The following CCNH variants were observed in gnomAD, a reference collection of about 807,000 sequenced individuals.
The protein encoded by CCNH is cyclin-H.
In CCNH, 31 loss-of-function variants were observed where a neutral mutation model predicts 41.9. That is an observed-to-expected ratio of 0.74 (90% CI 0.56 to 1.00). CCNH has a LOEUF of 1.00. Among genes scored for constraint, CCNH ranks in the 50% least tolerant of loss-of-function variants. CCNH has a pLI of 0.00. For synonymous variants in CCNH, 138 were observed against 136.1 expected (o/e 1.01, Z -0.10); for missense variants, 362 against 388.4 (o/e 0.93, Z 0.57).
chr5:87,388,682 A>T (rs1762238853), downstream of CCNH, among the ~76,000 whole-genome samples: 1 of 152,204 alleles, frequency 6.6e-6, no homozygotes, highest in Admixed American at 6.5e-5. Flanking sequence ...ACACATTAGC[A>T]AGTATTCTGA....
intron 5 of CCNH, 126 bp from the exon 6 acceptor site, chr5:87,401,898 T>C (rs1458133234): frequency 1.1e-5 from 6 of 549,776 alleles, no homozygotes; most frequent in African/African-American, 1.9e-5. Context: ...TATGAATGTA[T>C]AATCTGTAAC....
intron 9 of CCNH, among the ~76,000 whole-genome samples, chr5:87,386,108 C>T (rs539207828): frequency 6.0e-4 from 91 of 151,986 alleles, no homozygotes; most frequent in African/African-American, 2.2e-3. Flanking sequence ...GGGTACTATA[C>T]TTTTTTCTTT....
At chr5:87,390,975 A>T, downstream of CCNH, 1 of 1,291,060 alleles carries the variant, frequency 7.7e-7, no homozygotes. Context: ...GCCAAAAAAT[A>T]GCACACTTTT....
downstream of CCNH, among the ~76,000 whole-genome samples, chr5:87,316,919 G>C (rs575963542): frequency 4.6e-5 from 7 of 150,742 alleles, no homozygotes; most frequent in East Asian, 1.4e-3. Flanking sequence ...GTCTTGCTCT[G>C]TTGCCCAGGC....
At chr5:87,349,505 C>A in intron 9 of CCNH, 2 of 980,926 alleles carry the variant, frequency 2.0e-6, no homozygotes, top group Non-Finnish European at 3.0e-6. Flanking sequence ...TCATAGTAGT[C>A]ATGCCCAAGA....
chr5:87,372,049 ACC>A, downstream of CCNH: 1 of 1,445,006 alleles, frequency 6.9e-7, no homozygotes, highest in Non-Finnish European at 9.5e-7. Context: ...GAAAAAAAAA[ACC>A]TAACTGATGA....
intron 5 of CCNH, among the ~76,000 whole-genome samples, chr5:87,404,413 T>C (rs991269922): frequency 2.0e-5 from 3 of 152,170 alleles, no homozygotes; most frequent in African/African-American, 7.2e-5. Flanking sequence ...AGGTCATAAA[T>C]TGAGAAACTT....
chr5:87,372,068 A>G, downstream of CCNH: 3 of 1,513,092 alleles, frequency 2.0e-6, no homozygotes, highest in Non-Finnish European at 2.7e-6. Flanking sequence ...ATGATTTGGA[A>G]GCCAAATAAA....
At chr5:87,335,571 G>A (rs748468006) in intron 9 of CCNH, among the ~76,000 whole-genome samples, 7 of 151,454 alleles carry the variant, frequency 4.6e-5, no homozygotes, top group African/African-American at 9.7e-5. Flanking sequence ...AACTATGGGC[G>A]TCTGCCACCA....
chr5:87,395,150 AAACTATAAAATGT>A lies in CCNH; in HGVS notation c.873-59_873-47del, dbSNP rs762404210. ...ATAAGCAATCCAATACCAGCCACAG[AAACTATAAAATGT>A]AAAATAAACTAGCAAGGCTATAGGC... is the stretch of plus-strand genomic sequence containing the variant. On this transcript the variant is annotated intron_variant, in intron 7 of 8. Coordinates refer to ENST00000256897, the MANE Select transcript of CCNH (RefSeq NM_001239.4). 5 of 1,552,158 alleles carry A rather than the reference AAACTATAAAATGT, an allele frequency of 3.2e-6. No homozygotes were observed. In the Admixed American group the frequency reaches 8.9e-5, roughly 28 times the overall value.
intron 9 of CCNH, chr5:87,363,390 G>A: frequency 1.9e-6 from 3 of 1,610,850 alleles, no homozygotes; most frequent in Non-Finnish European, 2.5e-6. Context: ...ATCTTAGAGG[G>A]TAGTGATGCC....
intron 9 of CCNH, among the ~76,000 whole-genome samples, chr5:87,339,342 A>C (rs1758270549): frequency 6.6e-6 from 1 of 152,166 alleles, no homozygotes; most frequent in South Asian, 2.1e-4. Context: ...TAGGACTCCT[A>C]ATTCCTAGAT....
At chr5:87,346,819 T>TTAGTGTTTA in intron 9 of CCNH, 1 of 908,800 alleles carries the variant, frequency 1.1e-6, no homozygotes, top group South Asian at 1.5e-5. Context: ...TAGCATTCAG[T>TTAGTGTTTA]TAGTGTTTAT....
At chr5:87,321,286 T>G (rs1756786109) in intron 9 of CCNH, among the ~76,000 whole-genome samples, 1 of 152,234 alleles carries the variant, frequency 6.6e-6, no homozygotes, top group East Asian at 1.9e-4. Context: ...AGGACTTCTG[T>G]GTCCAAATGC....
At chr5:87,386,140 A>G (rs1762049174) in intron 9 of CCNH, among the ~76,000 whole-genome samples, 1 of 151,940 alleles carries the variant, frequency 6.6e-6, no homozygotes. Flanking sequence ...GATAGGCATA[A>G]TATTTTGTGT....
chr5:87,333,674 C>T (rs1419653506), intron 9 of CCNH, among the ~76,000 whole-genome samples: 2 of 152,106 alleles, frequency 1.3e-5, no homozygotes, highest in Non-Finnish European at 2.9e-5. Flanking sequence ...AAAGGATAAG[C>T]TTCTACTTTA....
At chr5:87,365,281 TATG>T (rs1760425642) in intron 9 of CCNH, among the ~76,000 whole-genome samples, 1 of 152,182 alleles carries the variant, frequency 6.6e-6, no homozygotes. Flanking sequence ...CTCGAAATCA[TATG>T]ATCCCTGTAT....
chr5:87,317,618 CTG>C (rs1377963030), downstream of CCNH, among the ~76,000 whole-genome samples: 8 of 151,108 alleles, frequency 5.3e-5, no homozygotes, highest in Admixed American at 3.3e-4. Flanking sequence ...CCTAATAAGA[CTG>C]TTTTTCTCAT....
chr5:87,407,082 G>T (rs769443028), intron 4 of CCNH, among the ~76,000 whole-genome samples: 8 of 152,090 alleles, frequency 5.3e-5, no homozygotes, highest in African/African-American at 1.9e-4. Flanking sequence ...TCTTCAGCAC[G>T]GAATGGTTTC....
Sources: allele counts gnomAD v4.1 joint callset (sites outside exome capture counted in the v4.1 genomes callset), GRCh38; gene constraint gnomAD v4.1.1; transcripts MANE v1.5; gene names NCBI Gene and HGNC (gene_info 2026-07-23, HGNC 2026-07-21).